LRIF1: variants seen among roughly 807,000 people sequenced by gnomAD.
LRIF1 encodes the protein ligand dependent nuclear receptor interacting factor 1.
Under a neutral mutation model 52.7 loss-of-function variants are expected in LRIF1, and 32 were observed. The observed-to-expected ratio is 0.61, with a 90% CI of 0.46 to 0.82. The LOEUF (loss-of-function observed/expected upper bound fraction) is 0.82. Among genes scored for constraint, LRIF1 ranks in the 40% least tolerant of loss-of-function variants. LRIF1 has a pLI of 0.00. For missense variants in LRIF1, 887 were observed against 892.0 expected (o/e 0.99, Z 0.07); for synonymous variants, 323 against 317.4 (o/e 1.02, Z -0.19).
the LRIF1 span, among the ~76,000 whole-genome samples, chr1:110,903,447 T>C: frequency 0.011 from 1,648 of 152,240 alleles, 12 homozygotes; most frequent in Middle Eastern, 0.034. Flanking sequence ...CCACAGCAGA[T>C]AGGACACCGG....
intron 1 of LRIF1, among the ~76,000 whole-genome samples, chr1:110,959,461 G>A (rs1305470067): frequency 6.6e-6 from 1 of 152,062 alleles, no homozygotes; most frequent in Non-Finnish European, 1.5e-5. Flanking sequence ...AAAATGTAAT[G>A]AGAAATATGG....
chr1:110,944,747 A>G (rs529067952), downstream of LRIF1: 6 of 152,310 alleles, frequency 3.9e-5, no homozygotes, highest in African/African-American at 9.6e-5. Context: ...TAAAAGCTCT[A>G]CAGGGTATAA....
rs1658528078 is a variant in LRIF1, at chr1:110,952,512, T to C, written c.372A>G (p.Gly124=). 1.9e-6 allele frequency: 3 copies of C among 1,613,668 alleles called. No homozygotes were observed. Among genetic ancestry groups the C allele is most frequent in the East Asian group, 4.5e-5 (2 of 44,866 alleles). Residue 124 remains glycine, a synonymous_variant, in exon 2 of 4, where the codon GGA becomes GGG. Coordinates refer to ENST00000369763, the MANE Select transcript of LRIF1 (RefSeq NM_018372.4). ...TSEKGRVTSV[G]TGNFSSSVSK... is the part of the protein sequence containing the mutation. ...AAACTGATGAAGAAAAATTTCCAGT[T>C]CCCACAGAAGTAACTCTACCTTTTT...
the LRIF1 span, among the ~76,000 whole-genome samples, chr1:110,909,899 T>C: frequency 6.6e-6 from 1 of 152,014 alleles, no homozygotes; most frequent in African/African-American, 2.4e-5. Flanking sequence ...TATTCTTATA[T>C]CAGACAAAAC....
In LRIF1 at chr1:110,963,705, G is replaced by T; in HGVS notation, c.-17C>A. On this transcript the variant is annotated 5_prime_UTR_variant, in exon 1 of 4. Transcript: ENST00000369763. ...ATTTGACATTTTAGTGGGGAGAAAG[G>T]GGACACCTCATCCAGAAAAGTGGGA... The T allele has an allele frequency of 6.3e-7, 1 of 1,590,972 alleles. No homozygotes were observed. Among genetic ancestry groups the T allele is most frequent in the Non-Finnish European group, 8.6e-7 (1 of 1,162,158 alleles).
At chr1:110,900,409 T>C in the LRIF1 span, among the ~76,000 whole-genome samples, 5 of 152,146 alleles carry the variant, frequency 3.3e-5, no homozygotes, top group African/African-American at 4.8e-5. Context: ...CTTTGTCACA[T>C]AGGCTGGAGT....
chr1:110,914,347 A>C, the LRIF1 span, among the ~76,000 whole-genome samples: 1 of 152,230 alleles, frequency 6.6e-6, no homozygotes, highest in Non-Finnish European at 1.5e-5. Flanking sequence ...TCCTACAAAT[A>C]AATGAGAAAA....
the LRIF1 span, among the ~76,000 whole-genome samples, chr1:110,915,036 T>C: frequency 6.6e-6 from 1 of 152,172 alleles, no homozygotes; most frequent in African/African-American, 2.4e-5. Flanking sequence ...TACCCGTGAC[T>C]AGAAATCATC....
rs34396800 is a variant in LRIF1, at chr1:110,957,470, C to CAAAAAAAAAAAAAAAAAAAAA, written c.69-4676_69-4656dup. The stretch of plus-strand genomic sequence containing the variant: ...TGGGCGACAAAGCAAGACTCAGTCT[C>CAAAAAAAAAAAAAAAAAAAAA]AAAAAAAAAAAAAAAAAAAAAAGAC... On this transcript the variant is annotated intron_variant, in intron 1 of 3. Coordinates refer to ENST00000369763, the MANE Select transcript of LRIF1 (RefSeq NM_018372.4). Among the ~76,000 whole-genome samples, 11 of 42,792 alleles carry CAAAAAAAAAAAAAAAAAAAAA rather than the reference C, an allele frequency of 2.6e-4. 1 individual carries two copies. Among genetic ancestry groups the CAAAAAAAAAAAAAAAAAAAAA allele is most frequent in the East Asian group, 9.1e-4 (1 of 1,096 alleles). 28.1% of individuals were successfully genotyped at this position (42,792 alleles called of 152,430 possible).
chr1:110,887,133 G>A, the LRIF1 span, among the ~76,000 whole-genome samples: 54 of 151,436 alleles, frequency 3.6e-4, no homozygotes, highest in South Asian at 0.01. Flanking sequence ...GCGCGATCTC[G>A]GCTCACTCCA....
At chr1:110,903,136 C>G in the LRIF1 span, among the ~76,000 whole-genome samples, 1 of 152,208 alleles carries the variant, frequency 6.6e-6, no homozygotes, top group Non-Finnish European at 1.5e-5. Flanking sequence ...TCCTGCAAAC[C>G]TCATCACCAA....
the LRIF1 span, among the ~76,000 whole-genome samples, chr1:110,893,762 A>T: frequency 1.3e-5 from 2 of 152,258 alleles, no homozygotes; most frequent in African/African-American, 4.8e-5. Context: ...AGTCAAAATT[A>T]ATGTTGGGGT....
chr1:110,952,793 C>G lies in LRIF1; in HGVS notation c.91G>C (p.Val31Leu), dbSNP rs1472538602. Residue 31 changes from valine to leucine, a missense_variant, in exon 2 of 4, where the codon GTA (valine) becomes CTA (leucine). Physicochemically the swap from Val to Leu is conservative, Grantham distance 32. Transcript: ENST00000369763. The stretch of plus-strand genomic sequence containing the variant: ...CCATCCGAGCCAATCGTCTGAACTA[C>G]TTGGTACATGCAGCCTGAAACACTT... ...SRCVSGCMYQ[V>L]VQTIGSDGKN... 1 of 1,605,290 alleles carries G rather than the reference C, an allele frequency of 6.2e-7. No individual in the cohort carries two copies. Among genetic ancestry groups the G allele is most frequent in the African/African-American group, 1.3e-5 (1 of 74,826 alleles).
downstream of LRIF1, chr1:110,944,445 G>A (rs1412609145): frequency 6.6e-6 from 1 of 152,194 alleles, no homozygotes; most frequent in Non-Finnish European, 1.5e-5. Flanking sequence ...GATAAAAACT[G>A]CAAGTTGGCA....
At chr1:110,884,512 CT>C in the LRIF1 span, among the ~76,000 whole-genome samples, 6 of 152,082 alleles carry the variant, frequency 3.9e-5, no homozygotes, top group African/African-American at 1.4e-4. Flanking sequence ...CAAATATTTA[CT>C]GCTTTTCTGT....
the LRIF1 span, among the ~76,000 whole-genome samples, chr1:110,890,665 C>T: frequency 6.6e-6 from 1 of 152,180 alleles, no homozygotes; most frequent in African/African-American, 2.4e-5. Flanking sequence ...GAGAACCAGA[C>T]ATTGGACATT....
the LRIF1 span, among the ~76,000 whole-genome samples, chr1:110,926,700 T>C: frequency 0.99 from 150,379 of 152,230 alleles, 74,300 homozygotes; most frequent in Middle Eastern, 1. Context: ...CAATTACCTC[T>C]GCATTAATCT....
chr1:110,925,308 C>G, the LRIF1 span, among the ~76,000 whole-genome samples: 1 of 152,296 alleles, frequency 6.6e-6, no homozygotes, highest in East Asian at 1.9e-4. Flanking sequence ...CCTTTGGACT[C>G]AAATTGCAAC....
chr1:110,885,493 G>C, the LRIF1 span, among the ~76,000 whole-genome samples: 1 of 147,974 alleles, frequency 6.8e-6, no homozygotes, highest in African/African-American at 2.5e-5. Context: ...AGCCGAGATC[G>C]CGCCACTGCA....
Sources: gnomAD v4.1 joint callset for allele counts (sites outside exome capture counted in the v4.1 genomes callset) on GRCh38, gnomAD v4.1.1 for gene constraint, MANE v1.5 for transcripts, NCBI Gene and HGNC (gene_info 2026-07-23, HGNC 2026-07-21) for gene names.